The following LDHB variants were observed in gnomAD, a reference collection of about 807,000 sequenced individuals.
LDHB encodes L-lactate dehydrogenase B chain.
LDHB carries 18 observed loss-of-function variants against 33.4 expected under a neutral mutation model. The ratio of observed to expected loss-of-function variants is 0.54; its 90% CI spans 0.37 to 0.80. The LOEUF (loss-of-function observed/expected upper bound fraction) is 0.80. LDHB is among the 30% of genes least tolerant of loss of function. The pLI is 0.00. For synonymous variants in LDHB, 121 were observed against 140.6 expected, an observed-to-expected ratio of 0.86 and a Z score of 0.98; for missense variants, 345 against 407.9, an observed-to-expected ratio of 0.85 and a Z score of 1.33.
At chr12:21,641,802 C>A in intron 5 of LDHB, 150 bp downstream of exon 5, 1 of 657,834 alleles carries the variant, frequency 1.5e-6, no homozygotes, top group East Asian at 2.7e-5. Flanking sequence ...AATGATAAAG[C>A]AAAATGGAAT....
In LDHB at chr12:21,654,628, T is replaced by A. The variant is rs1180184041; in HGVS notation, c.44A>T (p.Glu15Val). Residue 15 changes from glutamate to valine, a missense_variant, in exon 2 of 8, where the codon GAA (glutamate) becomes GTA (valine). Coordinates refer to ENST00000350669, the MANE Select transcript of LDHB (RefSeq NM_002300.8). ...KEKLIAPVAE[E>V]EATVPNNKIT... is the part of the protein sequence containing the mutation. ...CTTATTGTTTGGAACTGTTGCCTCTTCTTCCGCAACTGGTGCAATGAGTTT... is the reference window on the plus strand; with the variant it reads ...CTTATTGTTTGGAACTGTTGCCTCTACTTCCGCAACTGGTGCAATGAGTTT... 1 of 1,614,034 alleles carries A rather than the reference T, an allele frequency of 6.2e-7. No individual in the cohort carries two copies. Among genetic ancestry groups the A allele is most frequent in the African/African-American group, 1.3e-5 (1 of 75,056 alleles).
chr12:21,643,808 A>G (rs1404326090), intron 4 of LDHB, 127 bp downstream of exon 4: 4 of 754,456 alleles, frequency 5.3e-6, no homozygotes, highest in East Asian at 2.6e-5. Context: ...TTTAGGGCCA[A>G]TGAAAGAAGA....
chr12:21,641,758 A>G (rs1323066578), intron 5 of LDHB, among the ~76,000 whole-genome samples, 194 bp downstream of exon 5: 1 of 152,186 alleles, frequency 6.6e-6, no homozygotes, highest in Non-Finnish European at 1.5e-5. Context: ...CAAGGTAAAG[A>G]TAGATGATAG....
intron 5 of LDHB, among the ~76,000 whole-genome samples, chr12:21,639,803 C>A (rs1277137140): frequency 6.6e-6 from 1 of 151,924 alleles, no homozygotes; most frequent in Non-Finnish European, 1.5e-5. Flanking sequence ...ACACATAGGA[C>A]CATTACAATT....
chr12:21,656,197 C>G (rs1003907525), intron 1 of LDHB, among the ~76,000 whole-genome samples: 2 of 152,176 alleles, frequency 1.3e-5, no homozygotes, highest in African/African-American at 4.8e-5. Flanking sequence ...TTGGAGACAA[C>G]TGTGTAACAA....
intron 2 of LDHB, among the ~76,000 whole-genome samples, chr12:21,653,687 G>T (rs369439938): frequency 9.6e-4 from 146 of 152,166 alleles, no homozygotes; most frequent in South Asian, 6.6e-3. Context: ...TGGTGAGAGA[G>T]TATAAATAAC....
chr12:21,657,059 T>C (rs1938869862), intron 1 of LDHB: 1 of 151,980 alleles, frequency 6.6e-6, no homozygotes. Context: ...GAACAGCAGA[T>C]CACGAGGGCA....
intron 4 of LDHB, 143 bp downstream of exon 4, chr12:21,643,792 C>T (rs945205944): frequency 2.9e-6 from 2 of 680,842 alleles, no homozygotes; most frequent in African/African-American, 1.8e-5. Flanking sequence ...TTTGCAAACA[C>T]CACTATTTAG....
intron 7 of LDHB, among the ~76,000 whole-genome samples, chr12:21,636,805 A>C (rs1421821192): frequency 1.3e-5 from 2 of 152,130 alleles, no homozygotes; most frequent in African/African-American, 4.8e-5. Context: ...CAATACTTTA[A>C]GAATGTGCTA....
intron 5 of LDHB, 104 bp from the exon 6 acceptor site, chr12:21,638,574 T>C: frequency 1.3e-6 from 1 of 790,340 alleles, no homozygotes; most frequent in Non-Finnish European, 2.2e-6. Flanking sequence ...AATTACTGAA[T>C]ACCAACTGGA....
At chr12:21,655,999 G>C (rs1264111110) in intron 1 of LDHB, among the ~76,000 whole-genome samples, 1 of 152,092 alleles carries the variant, frequency 6.6e-6, no homozygotes, top group East Asian at 1.9e-4. Context: ...TAATGTCCAT[G>C]ATTTTCACTT....
chr12:21,640,136 A>G (rs1438089017), intron 5 of LDHB, among the ~76,000 whole-genome samples: 2 of 89,762 alleles, frequency 2.2e-5, no homozygotes, highest in Admixed American at 3.0e-4. Context: ...ATTAGTTTCA[A>G]TATTGGATTA....
At chr12:21,653,079 T>C (rs1384970375) in intron 2 of LDHB, among the ~76,000 whole-genome samples, 3 of 152,160 alleles carry the variant, frequency 2.0e-5, no homozygotes, top group South Asian at 2.1e-4. Flanking sequence ...AAGGAATCCA[T>C]TCAGTGAAAT....
intron 5 of LDHB, among the ~76,000 whole-genome samples, chr12:21,640,984 TTC>T (rs1565626096): frequency 6.6e-6 from 1 of 152,078 alleles, no homozygotes; most frequent in Admixed American, 6.6e-5. Flanking sequence ...GATGAAAAAT[TTC>T]TGTCTTACAG....
intron 6 of LDHB, among the ~76,000 whole-genome samples, chr12:21,637,550 A>AT (rs1227680639): frequency 6.6e-6 from 1 of 152,134 alleles, no homozygotes; most frequent in East Asian, 1.9e-4. Flanking sequence ...AAAGAACAAA[A>AT]TATATCTCAA....
intron 2 of LDHB, 23 bp from the exon 3 acceptor site, chr12:21,647,039 T>C (rs749740527): frequency 6.8e-7 from 1 of 1,481,240 alleles, no homozygotes; most frequent in Admixed American, 1.7e-5. Flanking sequence ...AAACAGGCAT[T>C]AGAACCCTAA....
chr12:21,647,689 A>AT (rs1342430352), intron 2 of LDHB, among the ~76,000 whole-genome samples: 3 of 151,310 alleles, frequency 2.0e-5, no homozygotes, highest in African/African-American at 4.8e-5. Context: ...CTGGAGTCAT[A>AT]TTTTTTTTTG....
At chr12:21,655,225 T>C (rs1249376596) in intron 1 of LDHB, among the ~76,000 whole-genome samples, 1 of 152,246 alleles carries the variant, frequency 6.6e-6, no homozygotes, top group Admixed American at 6.5e-5. Flanking sequence ...TCCTTCAGCC[T>C]ATGATTCCAT....
At chr12:21,644,446 C>CAACAAAA (rs1555165059) in intron 3 of LDHB, among the ~76,000 whole-genome samples, 13 of 108,846 alleles carry the variant, frequency 1.2e-4, no homozygotes, top group East Asian at 5.3e-4. Flanking sequence ...AAAAAAAAAA[C>CAACAAAA]AAAAACAAAA....
Sources: gnomAD v4.1 joint callset for allele counts (sites outside exome capture counted in the v4.1 genomes callset) on GRCh38, gnomAD v4.1.1 for gene constraint, MANE v1.5 for transcripts, NCBI Gene and HGNC (gene_info 2026-07-23, HGNC 2026-07-21) for gene names.